The following DPYD variants were observed in gnomAD, a reference collection of about 807,000 sequenced individuals.
DPYD encodes dihydropyrimidine dehydrogenase.
Under a neutral mutation model 116.2 loss-of-function variants are expected in DPYD, and 109 were observed. The observed-to-expected ratio is 0.94, with a 90% CI of 0.80 to 1.10. The LOEUF (loss-of-function observed/expected upper bound fraction) is 1.10, where lower values mean the gene tolerates loss of function less well. Among genes scored for constraint, DPYD ranks in the 50% least tolerant of loss-of-function variants. DPYD has a pLI of 0.00. For synonymous variants in DPYD, 440 were observed against 432.0 expected, an observed-to-expected ratio of 1.02 and a Z score of -0.23; for missense variants, 1,302 against 1,254.5, an observed-to-expected ratio of 1.04 and a Z score of -0.57.
intron 19 of DPYD, among the ~76,000 whole-genome samples, chr1:97,206,662 A>G (rs1374288775): frequency 6.9e-5 from 8 of 116,366 alleles, no homozygotes; most frequent in African/African-American, 2.4e-4. Flanking sequence ...ATATATATAT[A>G]TATATATATA....
chr1:97,338,599 C>CAATAGGTAGG (rs1669425435), intron 16 of DPYD, among the ~76,000 whole-genome samples: 1 of 152,114 alleles, frequency 6.6e-6, no homozygotes, highest in Admixed American at 6.6e-5. Context: ...AGGGGTGATG[C>CAATAGGTAGG]AATAGGTAGG....
intron 13 of DPYD, among the ~76,000 whole-genome samples, chr1:97,490,072 T>C (rs1300661824): frequency 1.3e-5 from 2 of 152,032 alleles, no homozygotes; most frequent in African/African-American, 2.4e-5. Flanking sequence ...TTAATAATTA[T>C]ACTACCTCTA....
intron 18 of DPYD, among the ~76,000 whole-genome samples, chr1:97,255,060 T>C (rs1663357813): frequency 6.6e-6 from 1 of 152,166 alleles, no homozygotes; most frequent in Non-Finnish European, 1.5e-5. Flanking sequence ...TAAGTCATTC[T>C]GAGAGTTTAG....
At chr1:97,578,327 A>G (rs555824686) in intron 10 of DPYD, among the ~76,000 whole-genome samples, 2 of 151,318 alleles carry the variant, frequency 1.3e-5, no homozygotes, top group Non-Finnish European at 2.9e-5. Flanking sequence ...TATTTGTTAC[A>G]AAAAAAAAGT....
rs538702317 is a variant in DPYD, at chr1:97,837,032, G to A, written c.151-8836C>T. On this transcript the variant is annotated intron_variant, in intron 2 of 22. Transcript: ENST00000370192. ...AGTTTTTGTGTTAAGTTAAAATTCA[G>A]AGAAGCAATCATTTTTAAGTCACAA... Among the ~76,000 whole-genome samples the A allele has an allele frequency of 1.4e-4, 22 of 152,200 alleles. No homozygotes were observed. The South Asian group carries it at 2.1e-3, about 14-fold the overall frequency.
At chr1:97,567,583 T>C (rs1007011680) in intron 11 of DPYD, among the ~76,000 whole-genome samples, 1 of 152,134 alleles carries the variant, frequency 6.6e-6, no homozygotes, top group Non-Finnish European at 1.5e-5. Flanking sequence ...TACTGAGCAG[T>C]GTGGTGCAAC....
chr1:97,352,925 A>G (rs573796324), intron 16 of DPYD, among the ~76,000 whole-genome samples: 58 of 152,320 alleles, frequency 3.8e-4, no homozygotes, highest in African/African-American at 1.3e-3. Context: ...ACGACGCATG[A>G]CAGAAAGGAG....
chr1:97,651,721 T>C (rs1557861846), intron 8 of DPYD, among the ~76,000 whole-genome samples: 3 of 152,174 alleles, frequency 2.0e-5, no homozygotes, highest in Non-Finnish European at 2.9e-5. Context: ...ATATGCTTTA[T>C]CAGGAGCTAA....
chr1:97,502,882 C>T (rs1679668908), intron 13 of DPYD, among the ~76,000 whole-genome samples: 1 of 151,916 alleles, frequency 6.6e-6, no homozygotes, highest in Non-Finnish European at 1.5e-5. Flanking sequence ...CACTAGAATA[C>T]TGTAAAAAGG....
intron 21 of DPYD, among the ~76,000 whole-genome samples, chr1:97,094,787 A>G (rs536123853): frequency 3.1e-4 from 47 of 152,230 alleles, no homozygotes; most frequent in Non-Finnish European, 6.5e-4. Context: ...AAGGAAGATT[A>G]TACAGAGAGA....
chr1:97,830,001 C>T (rs1407547865), intron 2 of DPYD, among the ~76,000 whole-genome samples: 6 of 151,534 alleles, frequency 4.0e-5, no homozygotes, highest in Admixed American at 6.6e-5. Context: ...ATGCTGTGTT[C>T]GGTTTTCTCT....
intron 20 of DPYD, among the ~76,000 whole-genome samples, chr1:97,178,132 G>T (rs1215181157): frequency 6.6e-6 from 1 of 152,152 alleles, no homozygotes; most frequent in East Asian, 1.9e-4. Flanking sequence ...AAACATCTTA[G>T]CTGTATGTTA....
At chr1:97,893,907 A>G (rs1232190897) in intron 1 of DPYD, among the ~76,000 whole-genome samples, 1 of 151,800 alleles carries the variant, frequency 6.6e-6, no homozygotes, top group African/African-American at 2.4e-5. Context: ...TTCAGAAAAG[A>G]TTGACAATTC....
chr1:97,537,614 TACTC>T lies in DPYD; in HGVS notation c.1524+11942_1524+11945del, dbSNP rs1015626090. Among the ~76,000 whole-genome samples the T allele has an allele frequency of 9.2e-5, 14 of 151,556 alleles. No individual in the cohort carries two copies. In the South Asian group the frequency reaches 2.7e-3, roughly 29 times the overall value. ...TTATCACAATGATCTTTTTCCATGA[TACTC>T]AATTTGGAATTCCATATTTTTAATT... On this transcript the variant is annotated intron_variant, in intron 12 of 22. Coordinates refer to ENST00000370192, the MANE Select transcript of DPYD (RefSeq NM_000110.4).
At chr1:97,300,989 C>T (rs191944897) in intron 18 of DPYD, among the ~76,000 whole-genome samples, 1 of 151,920 alleles carries the variant, frequency 6.6e-6, no homozygotes, top group Non-Finnish European at 1.5e-5. Context: ...TTAGTATTTC[C>T]TATGTTGGAT....
chr1:97,818,809 C>T (rs762011884), intron 3 of DPYD, among the ~76,000 whole-genome samples: 7 of 151,882 alleles, frequency 4.6e-5, no homozygotes, highest in South Asian at 2.1e-4. Flanking sequence ...TACACACATT[C>T]ATATTACAAA....
intron 16 of DPYD, among the ~76,000 whole-genome samples, chr1:97,351,382 G>A (rs1670135910): frequency 2.0e-5 from 3 of 151,994 alleles, no homozygotes; most frequent in African/African-American, 7.2e-5. Context: ...CACGGCGTTT[G>A]CAAAATGATA....
intron 8 of DPYD, among the ~76,000 whole-genome samples, chr1:97,661,250 T>C (rs1276130352): frequency 6.6e-6 from 1 of 152,074 alleles, no homozygotes; most frequent in Non-Finnish European, 1.5e-5. Context: ...TTGAAGAGGG[T>C]AAACATAAAT....
At chr1:97,130,958 T>C (rs1452969897) in intron 20 of DPYD, among the ~76,000 whole-genome samples, 1 of 145,946 alleles carries the variant, frequency 6.9e-6, no homozygotes, top group African/African-American at 2.5e-5. Context: ...TCTATCTAAC[T>C]TCTGCATGCC....
Sources: gnomAD v4.1 joint callset for allele counts (sites outside exome capture counted in the v4.1 genomes callset) on GRCh38, gnomAD v4.1.1 for gene constraint, MANE v1.5 for transcripts, NCBI Gene and HGNC (gene_info 2026-07-23, HGNC 2026-07-21) for gene names.